The following GOSR2 variants were observed in gnomAD, a reference collection of about 807,000 sequenced individuals.
GOSR2 encodes 27 kDa Golgi SNARE protein.
In GOSR2, 20 loss-of-function variants were observed where a neutral mutation model predicts 27.9. That is an observed-to-expected ratio of 0.72 (90% CI 0.50 to 1.04). The LOEUF (loss-of-function observed/expected upper bound fraction) is 1.04. GOSR2 is among the 50% of genes least tolerant of loss of function. GOSR2 has a pLI of 0.00. For synonymous variants in GOSR2, 91 were observed against 98.8 expected, an observed-to-expected ratio of 0.92 and a Z score of 0.47; for missense variants, 261 against 270.5, an observed-to-expected ratio of 0.97 and a Z score of 0.25.
At chr17:46,946,679 A>C (rs1421886352), downstream of GOSR2, among the ~76,000 whole-genome samples, 7 of 152,120 alleles carry the variant, frequency 4.6e-5, no homozygotes, top group Non-Finnish European at 1.0e-4. Context: ...CCTGGCCAAC[A>C]TGGTGAAACC....
chr17:46,970,706 G>A (rs997916961), downstream of GOSR2, among the ~76,000 whole-genome samples: 7 of 152,160 alleles, frequency 4.6e-5, no homozygotes, highest in East Asian at 1.9e-4. Context: ...TCAGAGACCC[G>A]GAAACAGCAT....
At chr17:46,960,426 C>G (rs1405027123) in intron 6 of GOSR2, among the ~76,000 whole-genome samples, 1 of 152,194 alleles carries the variant, frequency 6.6e-6, no homozygotes, top group Admixed American at 6.5e-5. Context: ...GGAACAGCCA[C>G]TATGAAAAAC....
chr17:46,937,675 G>C (rs2088623143), intron 5 of GOSR2: 1 of 152,096 alleles, frequency 6.6e-6, no homozygotes, highest in Admixed American at 6.5e-5. Context: ...TCATATAAAG[G>C]TATTCATGCT....
In GOSR2 at chr17:46,939,216, A is replaced by G. The variant is rs1400714787; in HGVS notation, c.*456A>G. ...AAAGAGGCCTTTTCTCACAGCCATT[A>G]TATTAAATAGTAGGTCGATTCACAT... is the stretch of plus-strand genomic sequence containing the variant. On this transcript the variant is annotated 3_prime_UTR_variant, in exon 6 of 6. Transcript: ENST00000640051. 7.5e-6 allele frequency: 8 copies of G among 1,073,422 alleles called. No individual in the cohort carries two copies. The highest frequency in any genetic ancestry group is 3.0e-5 in the South Asian group (1 of 33,288). 66.5% of individuals were successfully genotyped at this position (1,073,422 alleles called of 1,614,324 possible).
intron 6 of GOSR2, among the ~76,000 whole-genome samples, chr17:46,954,810 T>C (rs576951317): frequency 1.8e-3 from 278 of 152,360 alleles, no homozygotes; most frequent in South Asian, 3.7e-3. Flanking sequence ...AGTTCACTCA[T>C]GATTTGGCTG....
chr17:46,932,311 A>G, intron 4 of GOSR2, 112 bp downstream of exon 4: 1 of 1,248,314 alleles, frequency 8.0e-7, no homozygotes, highest in South Asian at 1.2e-5. Context: ...ACTGATGATG[A>G]GGAAACCAAC....
In GOSR2 at chr17:46,941,062, C is replaced by A. The variant is rs746719239; in HGVS notation, c.*2302C>A. The A allele has an allele frequency of 7.9e-5, 85 of 1,079,358 alleles. No individual in the cohort carries two copies. Among genetic ancestry groups the A allele is most frequent in the Non-Finnish European group, 9.6e-5 (85 of 885,174 alleles). 66.9% of individuals were successfully genotyped at this position (1,079,358 alleles called of 1,614,324 possible). On this transcript the variant is annotated 3_prime_UTR_variant, in exon 6 of 6. Transcript: ENST00000640051. ...TGATGCAAGAAACTCCGGTAGCCAG[C>A]CTCTGTGACCTTGTACATGAGTTTG...
chr17:46,946,017 C>T (rs1443280353), downstream of GOSR2, among the ~76,000 whole-genome samples: 2 of 152,144 alleles, frequency 1.3e-5, no homozygotes, highest in Non-Finnish European at 2.9e-5. Flanking sequence ...ATCCAGGGGC[C>T]CTGGGAGACC....
intron 6 of GOSR2, among the ~76,000 whole-genome samples, chr17:46,960,783 T>C (rs1228678154): frequency 6.6e-6 from 1 of 152,206 alleles, no homozygotes; most frequent in Non-Finnish European, 1.5e-5. Context: ...ATTCCATTTA[T>C]TTGAAATTCA....
At chr17:46,933,782 G>GTGA (rs1243567102) in intron 4 of GOSR2, among the ~76,000 whole-genome samples, 1 of 151,984 alleles carries the variant, frequency 6.6e-6, no homozygotes, top group Admixed American at 6.6e-5. Flanking sequence ...GGGTGACATG[G>GTGA]TGAGACATTG....
At chr17:46,971,033 T>A (rs545479359), downstream of GOSR2, among the ~76,000 whole-genome samples, 1 of 152,350 alleles carries the variant, frequency 6.6e-6, no homozygotes, top group Non-Finnish European at 1.5e-5. Flanking sequence ...TTTGTTGCTA[T>A]AAATGTTAAT....
At chr17:46,953,604 A>G (rs1291298253) in intron 6 of GOSR2, among the ~76,000 whole-genome samples, 1 of 152,170 alleles carries the variant, frequency 6.6e-6, no homozygotes. Context: ...CTAGTTCTAG[A>G]TCCCTGAGGA....
At chr17:46,961,401 G>T (rs2091041113) in intron 6 of GOSR2, among the ~76,000 whole-genome samples, 1 of 152,108 alleles carries the variant, frequency 6.6e-6, no homozygotes. Context: ...GGAACATGGT[G>T]GTGTGCATCT....
chr17:46,965,797 A>ATT (rs74700472), intron 6 of GOSR2, among the ~76,000 whole-genome samples: 33 of 137,680 alleles, frequency 2.4e-4, no homozygotes, highest in South Asian at 9.4e-4. Context: ...TAATTTTTGT[A>ATT]TTTTTTTTTT....
At chr17:46,936,222 T>C (rs1001024670) in intron 5 of GOSR2, 12 of 985,316 alleles carry the variant, frequency 1.2e-5, no homozygotes, top group Non-Finnish European at 1.4e-5. Context: ...AGTCTGCCCT[T>C]TCTTTAGAAA....
chr17:46,957,686 C>T lies in GOSR2; in HGVS notation c.584-8848C>T, dbSNP rs556866856. On this transcript the variant is annotated intron_variant, in intron 6 of 6. Transcript: ENST00000573224. ...AGGTGAGGAGAAGGGGAGAGGCAAA[C>T]AGGACATGAAGGAAGATTTGTTTGG... Among the ~76,000 whole-genome samples, 42 of 152,254 alleles carry T rather than the reference C, an allele frequency of 2.8e-4. 1 individual carries two copies. In the South Asian group the frequency reaches 8.5e-3, roughly 31 times the overall value.
chr17:46,940,941 CAG>C lies in GOSR2; in HGVS notation c.*2182_*2183del. 3 of 1,268,900 alleles carry C rather than the reference CAG, an allele frequency of 2.4e-6. No individual in the cohort carries two copies. Among genetic ancestry groups the C allele is most frequent in the South Asian group, 3.1e-5 (2 of 64,088 alleles). The allele number at this position is 1,268,900 out of a possible 1,614,324, so 78.6% of individuals were successfully genotyped here. ...TGGTGAAAAATAGACCTTGGCCTAA[CAG>C]TGTGACTCTCTCCACCGCCTCAGTG... is the stretch of plus-strand genomic sequence containing the variant. On this transcript the variant is annotated 3_prime_UTR_variant, in exon 6 of 6. Transcript: ENST00000640051.
intron 1 of GOSR2, chr17:46,924,386 C>T (rs1213391085): frequency 6.6e-6 from 1 of 152,226 alleles, no homozygotes; most frequent in Non-Finnish European, 1.5e-5. Flanking sequence ...GAGTTGTTTC[C>T]ACCATTGGGC....
chr17:46,954,407 G>A (rs1417485247), intron 6 of GOSR2, among the ~76,000 whole-genome samples: 2 of 152,120 alleles, frequency 1.3e-5, no homozygotes, highest in Non-Finnish European at 2.9e-5. Context: ...CTCTGTGTTG[G>A]TACCAGTACC....
Sources: gnomAD v4.1 joint callset for allele counts (sites outside exome capture counted in the v4.1 genomes callset) on GRCh38, gnomAD v4.1.1 for gene constraint, MANE v1.5 for transcripts, NCBI Gene and HGNC (gene_info 2026-07-23, HGNC 2026-07-21) for gene names.